EPS8L1: variants seen among roughly 807,000 people sequenced by gnomAD.
The protein encoded by EPS8L1 is epidermal growth factor receptor kinase substrate 8-like protein 1.
Under a neutral mutation model 91.7 loss-of-function variants are expected in EPS8L1, and 101 were observed. That is an observed-to-expected ratio of 1.10 (90% CI 0.94 to 1.30). EPS8L1 has a LOEUF of 1.30. Ranked by LOEUF, EPS8L1 falls within the 50% of genes most tolerant of loss-of-function variation. The pLI is 0.00. For synonymous variants in EPS8L1, 506 were observed against 445.3 expected (o/e 1.14, Z -1.72); for missense variants, 1,114 against 1,017.0 (o/e 1.10, Z -1.30).
In EPS8L1 at chr19:55,087,361, G is replaced by A. The variant is rs773318711; in HGVS notation, c.2011G>A (p.Glu671Lys). The A allele has an allele frequency of 1.8e-5, 29 of 1,613,028 alleles. No homozygotes were observed. The highest frequency in any genetic ancestry group is 2.3e-5 in the Non-Finnish European group (27 of 1,179,638). ...GAQLFSLQKE[E>K]LRAVSPEEGA... ...GCAGCTTTTCTCGCTGCAGAAGGAG[G>A]AGCTGCGGGCGGTGAGCCCCGAGGA... is the stretch of plus-strand genomic sequence containing the variant. Residue 671 changes from glutamate to lysine, a missense_variant, in exon 19 of 20, where the codon GAG (glutamate) becomes AAG (lysine). Physicochemically the swap from Glu to Lys is moderately conservative, Grantham distance 56. Transcript: ENST00000201647.
At chr19:55,085,766 T>C in intron 14 of EPS8L1, 75 bp from the exon 15 acceptor site, 1 of 1,535,820 alleles carries the variant, frequency 6.5e-7, no homozygotes. Flanking sequence ...TAACCCCAGC[T>C]CACACCAGCA....
chr19:55,079,582 T>A (rs1568778976), intron 4 of EPS8L1, 108 bp from the exon 5 acceptor site: 1 of 1,341,040 alleles, frequency 7.5e-7, no homozygotes, highest in East Asian at 2.5e-5. Flanking sequence ...GAAGGCTTCC[T>A]GGAGGAGGTG....
At position 55,086,729 on chromosome 19, in the gene EPS8L1, T is replaced by C; in HGVS notation, c.1793T>C (p.Met598Thr). The C allele has an allele frequency of 1.1e-5, 17 of 1,592,154 alleles. No homozygotes were observed. Among genetic ancestry groups the C allele is most frequent in the Non-Finnish European group, 1.5e-5 (17 of 1,167,348 alleles). Residue 598 changes from methionine to threonine, a missense_variant, in exon 18 of 20, where the codon ATG (methionine) becomes ACG (threonine). Physicochemically the swap from Met to Thr is moderately conservative, Grantham distance 81 (BLOSUM62 -1). Coordinates refer to ENST00000201647, the MANE Select transcript of EPS8L1 (RefSeq NM_133180.3). The stretch of plus-strand genomic sequence containing the variant: ...CCGCCTGCAGAGAAATTCTCCCAGA[T>C]GCTCATCGTCAACGAGGAACTGCAG... ...DPSEKEKFSQ[M>T]LIVNEELQAR...
In EPS8L1 at chr19:55,081,490, G is replaced by A. The variant is rs201518422; in HGVS notation, c.772G>A (p.Val258Met). The change falls in exon 8 of 20, where the codon GTG becomes ATG. Residue 258 changes from valine (V) to methionine (M), a missense_variant and splice_region_variant. Physicochemically the swap from Val to Met is conservative, Grantham distance 21. Coordinates refer to ENST00000201647, the MANE Select transcript of EPS8L1 (RefSeq NM_133180.3). This position sits in a 1 kb window ranked among gnomAD's most constrained non-coding sequence, Gnocchi z 4.9. Reference sequence around the variant, plus strand: ...GGCGGTTCTGCAGGCGGAGCGGGAAGTGGTGAGCCGCTAAGGAAGGGGTCT... The same window carrying A: ...GGCGGTTCTGCAGGCGGAGCGGGAAATGGTGAGCCGCTAAGGAAGGGGTCT... The part of the protein sequence containing the change: ...DLAVLQAERE[V>M]DILNHVFDDV... 5.7e-6 allele frequency: 9 copies of A among 1,579,340 alleles called. No homozygotes were observed. Among genetic ancestry groups the A allele is most frequent in the Non-Finnish European group, 7.7e-6 (9 of 1,163,240 alleles).
chr19:55,077,106 G>C (rs1334823241), intron 2 of EPS8L1, among the ~76,000 whole-genome samples: 1 of 152,150 alleles, frequency 6.6e-6, no homozygotes, highest in Admixed American at 6.5e-5. Flanking sequence ...CCTGATCGCT[G>C]AGCTTCTGTT....
rs756239295 is a variant in EPS8L1 at position 55,086,209 on chromosome 19, G to A, written c.1650+17G>A. ...CGCAGCCTGGTGAGCCAGCGCAGACGCTGGGATCTTGAGGGTGGAGAGGCT... is the reference window on the plus strand; with the variant it reads ...CGCAGCCTGGTGAGCCAGCGCAGACACTGGGATCTTGAGGGTGGAGAGGCT... On this transcript the variant is annotated intron_variant, in intron 16 of 19. Coordinates refer to ENST00000201647, the MANE Select transcript of EPS8L1 (RefSeq NM_133180.3). The A allele has an allele frequency of 5.7e-5, 90 of 1,592,428 alleles. No homozygotes were observed. Among genetic ancestry groups the A allele is most frequent in the Non-Finnish European group, 7.4e-5 (87 of 1,168,840 alleles).
At position 55,081,380 on chromosome 19, in the gene EPS8L1, A is replaced by C; in HGVS notation, c.662A>C (p.Glu221Ala). The C allele has an allele frequency of 6.3e-7, 1 of 1,579,178 alleles. No individual in the cohort carries two copies. The highest frequency in any genetic ancestry group is 2.3e-5 in the East Asian group (1 of 43,328). The change falls in exon 8 of 20, where the codon GAG becomes GCG. Residue 221 changes from glutamate (E) to alanine (A), a missense_variant. Coordinates refer to ENST00000201647, the MANE Select transcript of EPS8L1 (RefSeq NM_133180.3). This position sits in a 1 kb window ranked among gnomAD's most constrained non-coding sequence, Gnocchi z 4.9. ...CAGGCGAAGCCCATTCCCGAGGCAG[A>C]GGAGGCGCAGAGGCCTGAGCCGGTG... ...RPQAKPIPEA[E>A]EAQRPEPVGT...
chr19:55,078,977 C>T (rs2076195192), intron 3 of EPS8L1, 22 bp from the exon 4 acceptor site: 1 of 1,613,210 alleles, frequency 6.2e-7, no homozygotes, highest in Non-Finnish European at 8.5e-7. Context: ...CTCCCAGGCT[C>T]ATTCTCTTTC....
At chr19:55,077,356 T>A (rs958403300) in intron 2 of EPS8L1, among the ~76,000 whole-genome samples, 2 of 152,146 alleles carry the variant, frequency 1.3e-5, no homozygotes, top group Non-Finnish European at 2.9e-5. Context: ...TAATAACAGT[T>A]ATTGAGGCTT....
chr19:55,080,014 T>C (rs1312205614), intron 5 of EPS8L1, 115 bp from the exon 6 acceptor site: 1 of 1,438,360 alleles, frequency 7.0e-7, no homozygotes, highest in Non-Finnish European at 9.2e-7. Flanking sequence ...AGGGCTGTTA[T>C]CCCTAACCCC....
chr19:55,081,375 GGCAGAGGAGGC>G lies in EPS8L1; in HGVS notation c.665_675del (p.Glu222AlafsTer2). The G allele has an allele frequency of 1.3e-6, 2 of 1,576,068 alleles. No individual in the cohort carries two copies. Among genetic ancestry groups the G allele is most frequent in the Non-Finnish European group, 1.7e-6 (2 of 1,163,858 alleles). ...GACCCCAGGCGAAGCCCATTCCCGA[GGCAGAGGAGGC>G]GCAGAGGCCTGAGCCGGTGGGGACC... On this transcript the variant is annotated frameshift_variant, in exon 8 of 20. Transcript: ENST00000201647. LOFTEE classifies it high-confidence loss of function. This position sits in a 1 kb window ranked among gnomAD's most constrained non-coding sequence, Gnocchi z 4.9.
At chr19:55,082,695 A>C in intron 12 of EPS8L1, 93 bp downstream of exon 12, 1 of 1,243,764 alleles carries the variant, frequency 8.0e-7, no homozygotes, top group South Asian at 1.4e-5. Context: ...AAATAGGACT[A>C]GGAGAGTAGG....
chr19:55,085,454 C>T (rs746344913), intron 14 of EPS8L1, among the ~76,000 whole-genome samples: 12 of 152,296 alleles, frequency 7.9e-5, no homozygotes, highest in Admixed American at 2.0e-4. Context: ...CGTGAGCCAC[C>T]GCGCCCGGCC....
In EPS8L1 at chr19:55,080,257, C is replaced by T; in HGVS notation, c.408C>T (p.Phe136=). Residue 136 remains phenylalanine (F), a synonymous_variant, in exon 6 of 20, where the codon TTC becomes TTT. Coordinates refer to ENST00000201647, the MANE Select transcript of EPS8L1 (RefSeq NM_133180.3). The stretch of plus-strand genomic sequence containing the variant: ...AGCGCGCGCAGCCCGACGTGCACTT[C>T]TTCCAGGGCCTGCGCCTCGGGGTGA... ...EPERAQPDVH[F]FQGLRLGAEL... is the part of the protein sequence containing the mutation. 3 of 1,534,358 alleles carry T rather than the reference C, an allele frequency of 2.0e-6. No individual in the cohort carries two copies. Among genetic ancestry groups the T allele is most frequent in the East Asian group, 2.5e-5 (1 of 40,592 alleles).
At chr19:55,087,473 T>A in intron 19 of EPS8L1, 38 bp downstream of exon 19, 1 of 1,613,946 alleles carries the variant, frequency 6.2e-7, no homozygotes. Flanking sequence ...TGGGTAGGGT[T>A]GGGATGACGA....
intron 2 of EPS8L1, 130 bp downstream of exon 2, chr19:55,076,591 T>A: frequency 8.8e-7 from 1 of 1,136,402 alleles, no homozygotes; most frequent in Non-Finnish European, 1.2e-6. Context: ...GCCCCGACAC[T>A]CAGGAGGAAG....
rs2076306000 is a variant in EPS8L1 at position 55,083,111 on chromosome 19, G to C, written c.1215-267G>C. On this transcript the variant is annotated intron_variant, in intron 12 of 19. Transcript: ENST00000201647. The surrounding 1 kb of genome is among the most constrained non-coding windows in gnomAD (Gnocchi z 4.7). ...GGGTCTCAATATTTTGCCCAGGCTG[G>C]TCTGGAACTCCTGGCCTCAAGCGAT... Among the ~76,000 whole-genome samples the C allele has an allele frequency of 6.6e-6, 1 of 152,186 alleles. No homozygotes were observed. Among genetic ancestry groups the C allele is most frequent in the South Asian group, 2.1e-4 (1 of 4,834 alleles).
intron 17 of EPS8L1, 80 bp from the exon 18 acceptor site, chr19:55,086,634 C>CGCCCCCCCCCCCCCCCCCCCCCG: frequency 7.3e-7 from 1 of 1,374,852 alleles, no homozygotes; most frequent in Non-Finnish European, 9.8e-7. Flanking sequence ...GACGCTGGAG[C>CGCCCCCCCCCCCCCCCCCCCCCG]GCCCCCCCGC....
chr19:55,076,100 A>G (rs62124194), intron 1 of EPS8L1, among the ~76,000 whole-genome samples, 181 bp downstream of exon 1: 1,732 of 18,310 alleles, frequency 0.095, 69 homozygotes, highest in Middle Eastern at 0.14. Context: ...GGAGGGGCTG[A>G]GGGCCTGGAC....
Sources: gnomAD v4.1 joint callset for allele counts (sites outside exome capture counted in the v4.1 genomes callset) on GRCh38, gnomAD v4.1.1 for gene constraint, Gnocchi (gnomAD v3.1) non-coding constraint, MANE v1.5 for transcripts, NCBI Gene and HGNC (gene_info 2026-07-23, HGNC 2026-07-21) for gene names.